The following TERB1 variants were observed in gnomAD, a reference collection of about 807,000 sequenced individuals.
TERB1 encodes telomere repeats-binding bouquet formation protein 1.
In TERB1, 63 loss-of-function variants were observed where a neutral mutation model predicts 92.3. The ratio of observed to expected loss-of-function variants is 0.68; its 90% CI spans 0.56 to 0.84. TERB1 has a LOEUF of 0.84. TERB1 is among the 40% of genes least tolerant of loss of function. The pLI is 0.00. For synonymous variants in TERB1, 252 were observed against 283.9 expected, an observed-to-expected ratio of 0.89 and a Z score of 1.13; for missense variants, 709 against 843.7, an observed-to-expected ratio of 0.84 and a Z score of 1.98.
At chr16:66,773,505 C>A (rs189739984) in intron 12 of TERB1, among the ~76,000 whole-genome samples, 1 of 152,248 alleles carries the variant, frequency 6.6e-6, no homozygotes, top group African/African-American at 2.4e-5. Context: ...TCCTTAAGTG[C>A]ACCAGGTTCC....
chr16:66,768,697 C>A (rs558018663), intron 14 of TERB1, among the ~76,000 whole-genome samples: 2 of 152,230 alleles, frequency 1.3e-5, no homozygotes, highest in African/African-American at 2.4e-5. Flanking sequence ...ATAGCAGTAG[C>A]TTTATAGTTA....
chr16:66,799,779 T>C (rs1959227149), intron 2 of TERB1, among the ~76,000 whole-genome samples: 1 of 152,170 alleles, frequency 6.6e-6, no homozygotes. Flanking sequence ...TTTAAAATTA[T>C]AAAACAAGTA....
intron 3 of TERB1, among the ~76,000 whole-genome samples, chr16:66,793,086 A>C (rs966753985): frequency 1.3e-5 from 2 of 151,782 alleles, no homozygotes; most frequent in East Asian, 1.9e-4. Context: ...CAAAACAAAA[A>C]AAATTTAGAG....
intron 9 of TERB1, among the ~76,000 whole-genome samples, chr16:66,784,339 GT>G (rs531436529): frequency 4.1e-5 from 6 of 146,532 alleles, no homozygotes; most frequent in Non-Finnish European, 6.0e-5. Context: ...GGTTTTTTGT[GT>G]TTTTTTTTTG....
At chr16:66,794,916 A>C (rs369340234) in intron 3 of TERB1, among the ~76,000 whole-genome samples, 26,401 of 90,274 alleles carry the variant, frequency 0.29, 4,780 homozygotes, top group African/African-American at 0.53. Flanking sequence ...TCTCAAAAAA[A>C]AAAAAAACAC....
intron 11 of TERB1, among the ~76,000 whole-genome samples, chr16:66,775,506 C>T (rs923652957): frequency 5.3e-5 from 8 of 151,888 alleles, no homozygotes; most frequent in African/African-American, 1.7e-4. Context: ...TGGTGGCAGG[C>T]ACTTGTAATC....
At position 66,800,392 on chromosome 16, in the gene TERB1, G is replaced by GTTTTT. The variant is rs537071270; in HGVS notation, c.-33+580_-33+584dup. ...AAATAAATAAATAAAAATAAAGAAA[G>GTTTTT]TTTTTTTTTTTTTTTTTTGAGACAG... On this transcript the variant is annotated intron_variant, in intron 2 of 18. Coordinates refer to ENST00000433154, the MANE Select transcript of TERB1 (RefSeq NM_001136505.2). Among the ~76,000 whole-genome samples, 43 of 92,856 alleles carry GTTTTT rather than the reference G, an allele frequency of 4.6e-4. 2 individuals carry two copies. Among genetic ancestry groups the GTTTTT allele is most frequent in the East Asian group, 8.7e-4 (3 of 3,434 alleles). The allele number at this position is 92,856 out of a possible 152,430, so 60.9% of individuals were successfully genotyped here. A position where few individuals can be genotyped will look rare whatever the true frequency, so the allele number is the denominator to read the frequency against.
intron 9 of TERB1, among the ~76,000 whole-genome samples, chr16:66,783,297 T>C (rs970211827): frequency 1.3e-5 from 2 of 152,238 alleles, no homozygotes; most frequent in South Asian, 2.1e-4. Context: ...CAGATGTAGG[T>C]TGAATTATGT....
intron 16 of TERB1, among the ~76,000 whole-genome samples, chr16:66,761,096 C>T (rs1267243739): frequency 3.4e-5 from 4 of 116,148 alleles, no homozygotes; most frequent in African/African-American, 9.9e-5. Context: ...GGCGACAGAG[C>T]GAGACTCCAC....
intron 3 of TERB1, among the ~76,000 whole-genome samples, chr16:66,795,445 C>T (rs2018913268): frequency 6.6e-6 from 1 of 152,172 alleles, no homozygotes; most frequent in African/African-American, 2.4e-5. Context: ...TTTTTCCTAT[C>T]TCATTTTCCC....
chr16:66,788,290 A>G lies in TERB1; in HGVS notation c.279T>C (p.Cys93=). The G allele has an allele frequency of 6.7e-7, 1 of 1,486,008 alleles. No individual in the cohort carries two copies. The highest frequency in any genetic ancestry group is 8.9e-7 in the Non-Finnish European group (1 of 1,123,436). The allele number at this position is 1,486,008 out of a possible 1,614,324, so 92.1% of individuals were successfully genotyped here. ...ACTCTGAAGTACACAAAGTCTGCTGACAGTAAACTGAAATATAAAATATAA... is the reference window on the plus strand; with the variant it reads ...ACTCTGAAGTACACAAAGTCTGCTGGCAGTAAACTGAAATATAAAATATAA... ...LGAIAEKNVY[C]QQTLCTSELF... Residue 93 remains cysteine, a synonymous_variant, in exon 6 of 19, where the codon TGT becomes TGC. Coordinates refer to ENST00000433154, the MANE Select transcript of TERB1 (RefSeq NM_001136505.2).
intron 9 of TERB1, among the ~76,000 whole-genome samples, chr16:66,781,259 G>A (rs991310787): frequency 7.2e-5 from 11 of 152,206 alleles, no homozygotes; most frequent in East Asian, 1.9e-4. Context: ...GTCTCACTAC[G>A]TTGCCCAGTC....
At chr16:66,799,282 C>CAGTGTAA (rs1959219165) in intron 2 of TERB1, among the ~76,000 whole-genome samples, 1 of 152,058 alleles carries the variant, frequency 6.6e-6, no homozygotes, top group Non-Finnish European at 1.5e-5. Flanking sequence ...GGCTGGAGTG[C>CAGTGTAA]AGTGGTGTGA....
chr16:66,766,218 C>T (rs1017879145), intron 16 of TERB1, among the ~76,000 whole-genome samples: 10 of 151,582 alleles, frequency 6.6e-5, no homozygotes, highest in Non-Finnish European at 1.0e-4. Context: ...CAAGGTGGAA[C>T]AAAAGGAGTT....
intron 6 of TERB1, among the ~76,000 whole-genome samples, chr16:66,787,249 C>T (rs2018744127): frequency 6.6e-6 from 1 of 151,838 alleles, no homozygotes; most frequent in Admixed American, 6.6e-5. Context: ...CAGGTGTGTG[C>T]CACCACACCC....
intron 16 of TERB1, among the ~76,000 whole-genome samples, chr16:66,761,738 T>C (rs996755867): frequency 6.7e-5 from 10 of 149,152 alleles, no homozygotes; most frequent in Admixed American, 1.3e-4. Context: ...CAGTGAGCCA[T>C]GATCACACCA....
At chr16:66,801,329 G>C (rs1959287526) in intron 1 of TERB1, 139 bp downstream of exon 1, 1 of 152,310 alleles carries the variant, frequency 6.6e-6, no homozygotes, top group East Asian at 1.9e-4. Context: ...AAGGGCTGTG[G>C]GGACTACAGC....
chr16:66,780,702 G>A (rs1454820838), intron 9 of TERB1, among the ~76,000 whole-genome samples: 4 of 152,068 alleles, frequency 2.6e-5, no homozygotes, highest in Non-Finnish European at 5.9e-5. Context: ...CACATTTATT[G>A]TACACTGAAT....
chr16:66,771,471 G>T (rs927529700), intron 13 of TERB1, among the ~76,000 whole-genome samples: 5 of 152,142 alleles, frequency 3.3e-5, no homozygotes, highest in African/African-American at 4.8e-5. Flanking sequence ...AGCACAAAGA[G>T]ATTAAATAAC....
Sources: allele counts gnomAD v4.1 joint callset (sites outside exome capture counted in the v4.1 genomes callset), GRCh38; gene constraint gnomAD v4.1.1; transcripts MANE v1.5; gene names NCBI Gene and HGNC (gene_info 2026-07-23, HGNC 2026-07-21).